Variants in NIN observed in about 807,000 individuals in gnomAD.
NIN encodes the protein ninein.
Under a neutral mutation model 257.6 loss-of-function variants are expected in NIN, and 137 were observed. The observed-to-expected ratio is 0.53, with a 90% CI of 0.46 to 0.61. The LOEUF is 0.61. Among genes scored for constraint, NIN ranks in the 20% least tolerant of loss-of-function variants. The pLI, the probability that NIN is intolerant of heterozygous loss-of-function variation, is 0.00. For synonymous variants in NIN, 918 were observed against 919.8 expected (o/e 1.00, Z 0.04); for missense variants, 2,439 against 2,501.2 (o/e 0.98, Z 0.53).
At chr14:50,812,646 T>A (rs532720178) in intron 3 of NIN, among the ~76,000 whole-genome samples, 1 of 152,290 alleles carries the variant, frequency 6.6e-6, no homozygotes, top group East Asian at 1.9e-4. Context: ...GGGCCTCTGA[T>A]AAACAAGCAT....
rs141568087 is a variant in NIN, at chr14:50,760,326, C to T, written c.1930G>A (p.Val644Met). 1.4e-4 allele frequency: 230 copies of T among 1,606,684 alleles called. 2 individuals are homozygous for T. In the African/African-American group the frequency reaches 1.9e-3, roughly 13 times the overall value. ...RHYEKQLDET[V>M]VSCKKAQENM... The stretch of plus-strand genomic sequence containing the variant: ...TCCTGTGCCTTCTTGCAGCTGACCA[C>T]GGTTTCGTCCAGCTGCTTTTCATAA... The change falls in exon 17 of 31, where the codon GTG becomes ATG. Residue 644 changes from valine (V) to methionine (M), a missense_variant. Coordinates refer to ENST00000530997, the MANE Select transcript of NIN (RefSeq NM_020921.4).
chr14:50,730,455 G>A (rs1053000329), intron 28 of NIN, among the ~76,000 whole-genome samples: 2 of 152,240 alleles, frequency 1.3e-5, no homozygotes, highest in East Asian at 1.9e-4. Flanking sequence ...ATACACACGC[G>A]GAGCATGCAA....
chr14:50,756,287 C>T (rs2042023091), intron 18 of NIN, among the ~76,000 whole-genome samples: 1 of 152,138 alleles, frequency 6.6e-6, no homozygotes, highest in Admixed American at 6.5e-5. Context: ...CATATGAACA[C>T]TTGTTTGCTA....
At chr14:50,770,301 G>A in intron 12 of NIN, 87 bp downstream of exon 12, 2 of 1,352,514 alleles carry the variant, frequency 1.5e-6, no homozygotes, top group Non-Finnish European at 2.0e-6. Flanking sequence ...ACTGAACCCT[G>A]TGCAAACATG....
Position 50,772,481 on chromosome 14 carries a change from A to G in NIN, c.814-13T>C, listed in dbSNP as rs1595835705. On this transcript the variant is annotated splice_polypyrimidine_tract_variant and intron_variant, in intron 8 of 30. Transcript: ENST00000530997. ...TCTCATCGAAAGACTGGAAGGAGGA[A>G]GAGACTTGAGTAAGCCTAGCTTGAT... 1 of 1,613,600 alleles carries G rather than the reference A, an allele frequency of 6.2e-7. No individual in the cohort carries two copies. Among genetic ancestry groups the G allele is most frequent in the Admixed American group, 1.7e-5 (1 of 60,020 alleles).
At chr14:50,825,508 T>C (rs954323003) in intron 2 of NIN, among the ~76,000 whole-genome samples, 3 of 152,214 alleles carry the variant, frequency 2.0e-5, no homozygotes, top group Non-Finnish European at 4.4e-5. Flanking sequence ...TCTCATTTAA[T>C]CCTCCCAAAT....
At chr14:50,730,815 CTT>C in intron 28 of NIN, 2 of 830,116 alleles carry the variant, frequency 2.4e-6, no homozygotes, top group Non-Finnish European at 3.2e-6. Context: ...AATACTGGCT[CTT>C]TCCTTAAGTA....
intron 18 of NIN, among the ~76,000 whole-genome samples, chr14:50,755,782 G>A (rs575170907): frequency 6.0e-5 from 9 of 149,164 alleles, no homozygotes; most frequent in African/African-American, 1.5e-4. Flanking sequence ...CTCCCACCTC[G>A]GCCTCCCAAG....
chr14:50,779,067 C>G (rs2043028031), intron 5 of NIN, among the ~76,000 whole-genome samples: 1 of 152,204 alleles, frequency 6.6e-6, no homozygotes, highest in African/African-American at 2.4e-5. Flanking sequence ...ACTTATTCAA[C>G]AGCAAAACCT....
chr14:50,729,584 C>T lies in NIN; in HGVS notation c.6017G>A (p.Arg2006Lys), dbSNP rs1452948046. Residue 2006 changes from arginine to lysine, a missense_variant, in exon 29 of 31, where the codon AGG (arginine) becomes AAG (lysine). Transcript: ENST00000530997. ...QLQRQLLQAE[R>K]INQHLQEELE... ...TTCCTCCTGCAGGTGCTGGTTTATC[C>T]TTTCTGCCTGCAGCAGCTGGCGTTG... 6 of 1,613,962 alleles carry T rather than the reference C, an allele frequency of 3.7e-6. No homozygotes were observed. The African/African-American group carries it at 4.0e-5, about 11-fold the overall frequency.
chr14:50,763,931 C>G lies in NIN; in HGVS notation c.1669G>C (p.Glu557Gln), dbSNP rs754873724. Residue 557 changes from glutamate to glutamine, a missense_variant, in exon 15 of 31, where the codon GAG (glutamate) becomes CAG (glutamine). Physicochemically the swap from Glu to Gln is conservative, Grantham distance 29 (BLOSUM62 2). This residue lies in a region of NIN where 2,043 missense variants were observed against 2,050.2 expected (regional missense o/e 1.00). Transcript: ENST00000530997. ...LQDQVDELQSELEEYRAQGRV... is the reference protein window; with the variant it reads ...LQDQVDELQSQLEEYRAQGRV... ...CCTTGTGCACGATATTCTTCCAGCT[C>G]AGACTGGAGTTCATCTACTTGGTCT... The G allele has an allele frequency of 1.2e-4, 190 of 1,613,944 alleles. No individual in the cohort carries two copies. The highest frequency in any genetic ancestry group is 3.5e-4 in the Admixed American group (21 of 59,988).
rs985225516 is a variant in NIN at position 50,720,893 on chromosome 14, C to T, written c.*2570G>A. The T allele has an allele frequency of 1.5e-5, 3 of 197,658 alleles. No homozygotes were observed. Among genetic ancestry groups the T allele is most frequent in the African/African-American group, 6.9e-5 (3 of 43,388 alleles). 12.2% of individuals were successfully genotyped at this position (197,658 alleles called of 1,614,324 possible). On this transcript the variant is annotated 3_prime_UTR_variant, in exon 31 of 31. Transcript: ENST00000530997. ...TCTGAGACGATCTTAAATAATTGTTCTTAAATCAAAAAGTTTGAAAATCAG... is the reference window on the plus strand; with the variant it reads ...TCTGAGACGATCTTAAATAATTGTTTTTAAATCAAAAAGTTTGAAAATCAG...
intron 14 of NIN, among the ~76,000 whole-genome samples, chr14:50,765,766 T>G (rs2042454904): frequency 6.8e-6 from 1 of 148,080 alleles, no homozygotes; most frequent in Admixed American, 6.7e-5. Flanking sequence ...CAAAACCAAA[T>G]CACGTCAGAT....
rs1413282265 is a variant in NIN at position 50,729,687 on chromosome 14, A to G, written c.5914T>C (p.Ser1972Pro). ...HLRSTATPSP[S>P]PHAWDLQLLQ... ...AGCTGCAAATCCCAAGCATGAGGGG[A>G]CGGGCTAGGCGTCGCAGTGGACCTC... Residue 1972 changes from serine to proline, a missense_variant, in exon 29 of 31, where the codon TCC becomes CCC. By Grantham distance (74) the Ser-to-Pro change is moderately conservative. This residue lies in a region of NIN where 2,043 missense variants were observed against 2,050.2 expected (regional missense o/e 1.00). Coordinates refer to ENST00000530997, the MANE Select transcript of NIN (RefSeq NM_020921.4). 6.2e-7 allele frequency: 1 copy of G among 1,612,848 alleles called. No individual in the cohort carries two copies. Among genetic ancestry groups the G allele is most frequent in the Admixed American group, 1.7e-5 (1 of 59,940 alleles).
intron 30 of NIN, among the ~76,000 whole-genome samples, chr14:50,724,623 G>C (rs2040344320): frequency 6.6e-6 from 1 of 151,942 alleles, no homozygotes; most frequent in South Asian, 2.1e-4. Context: ...CTTCTTTCTT[G>C]GCTCAGCACT....
chr14:50,726,135 A>G, intron 29 of NIN, 69 bp from the exon 30 acceptor site: 1 of 1,214,092 alleles, frequency 8.2e-7, no homozygotes, highest in Non-Finnish European at 1.2e-6. Context: ...TTTTCCCCAC[A>G]AGATGCCTAG....
intron 3 of NIN, among the ~76,000 whole-genome samples, chr14:50,818,848 C>T (rs376842412): frequency 3.3e-5 from 5 of 150,646 alleles, no homozygotes; most frequent in African/African-American, 1.2e-4. Flanking sequence ...ATAGAAATGG[C>T]AAGTTGATTT....
intron 18 of NIN, among the ~76,000 whole-genome samples, chr14:50,755,536 A>T (rs1001991874): frequency 6.6e-6 from 1 of 151,370 alleles, no homozygotes; most frequent in Non-Finnish European, 1.5e-5. Context: ...TCAAGTGGGC[A>T]GTGGTTCAAA....
In NIN at chr14:50,830,531, G is replaced by A. The variant is rs1455953222; in HGVS notation, c.-75-14C>T. 6.0e-6 allele frequency: 1 copy of A among 167,842 alleles called. No homozygotes were observed. The highest frequency in any genetic ancestry group is 1.9e-4 in the East Asian group (1 of 5,188). 10.4% of individuals were successfully genotyped at this position (167,842 alleles called of 1,614,324 possible). ...GCCTCCAGCGCTCTGCAAAGCGAAG[G>A]AGGACGCTTTGTTAGGGCTGGAGAA... On this transcript the variant is annotated splice_polypyrimidine_tract_variant and intron_variant, in intron 1 of 30. Coordinates refer to ENST00000530997, the MANE Select transcript of NIN (RefSeq NM_020921.4).
Sources: allele counts gnomAD v4.1 joint callset (sites outside exome capture counted in the v4.1 genomes callset), GRCh38; gene constraint gnomAD v4.1.1; regional missense constraint gnomAD v4.1.1; transcripts MANE v1.5; gene names NCBI Gene and HGNC (gene_info 2026-07-23, HGNC 2026-07-21).